TIAM1: variants seen among roughly 807,000 people sequenced by gnomAD.
TIAM1 encodes TIAM Rac1 associated GEF 1.
TIAM1 carries 65 observed loss-of-function variants against 163.5 expected under a neutral mutation model. That is an observed-to-expected ratio of 0.40 (90% CI 0.33 to 0.49). TIAM1 has a LOEUF of 0.49. Among genes scored for constraint, TIAM1 ranks in the 20% least tolerant of loss-of-function variants. The pLI, the probability that TIAM1 is intolerant of heterozygous loss-of-function variation, is 0.77. For synonymous variants in TIAM1, 833 were observed against 810.1 expected (o/e 1.03, Z -0.48); for missense variants, 1,789 against 2,044.7 (o/e 0.87, Z 2.41).
At position 31,266,368 on chromosome 21, in the gene TIAM1, G is replaced by A. The variant is rs1407658678; in HGVS notation, c.605C>T (p.Ser202Phe). The A allele has an allele frequency of 6.2e-7, 1 of 1,614,214 alleles. No individual in the cohort carries two copies. The highest frequency in any genetic ancestry group is 2.2e-5 in the East Asian group (1 of 44,886). Residue 202 changes from serine (S) to phenylalanine (F), a missense_variant, in exon 4 of 28, where the codon TCC becomes TTC. Physicochemically the swap from Ser to Phe is radical, Grantham distance 155. Around this residue, in one of 5 missense-constraint regions of TIAM1, gnomAD observed 555 missense variants for 564.9 expected, o/e 0.98. Coordinates refer to ENST00000541036, the MANE Select transcript of TIAM1 (RefSeq NM_001353694.2). ...HLTSNEEILG[S>F]AEEKDCEEAR... ...CTCCTCGCAGTCCTTCTCTTCGGCG[G>A]AACCCAAGATTTCTTCGTTGCTTGT...
intron 11 of TIAM1, among the ~76,000 whole-genome samples, chr21:31,207,134 T>C (rs999007133): frequency 1.3e-5 from 2 of 152,248 alleles, no homozygotes; most frequent in Non-Finnish European, 2.9e-5. Flanking sequence ...AATGAAAATA[T>C]GTTGCAATTA....
intron 2 of TIAM1, among the ~76,000 whole-genome samples, chr21:31,356,632 G>A (rs2076321255): frequency 2.0e-5 from 3 of 152,220 alleles, no homozygotes; most frequent in Admixed American, 2.0e-4. Context: ...TCCAGAGGAA[G>A]CAGCCCCTCA....
chr21:31,505,794 C>CG (rs1468314565), intron 1 of TIAM1, among the ~76,000 whole-genome samples: 4 of 151,950 alleles, frequency 2.6e-5, no homozygotes, highest in African/African-American at 9.7e-5. Flanking sequence ...CACCTGAGGT[C>CG]GGGAGTTCGA....
At chr21:31,187,232 G>C in intron 13 of TIAM1, 145 bp from the exon 14 acceptor site, 1 of 713,034 alleles carries the variant, frequency 1.4e-6, no homozygotes, top group Non-Finnish European at 2.3e-6. Flanking sequence ...TTACATAGCA[G>C]AAAAGTGTAT....
At chr21:31,274,376 G>A (rs1163689155) in intron 3 of TIAM1, among the ~76,000 whole-genome samples, 1 of 152,058 alleles carries the variant, frequency 6.6e-6, no homozygotes, top group Non-Finnish European at 1.5e-5. Context: ...CAAAGTCCTG[G>A]GCATAAAGAA....
At chr21:31,219,495 C>T (rs892319694) in intron 8 of TIAM1, among the ~76,000 whole-genome samples, 1 of 152,194 alleles carries the variant, frequency 6.6e-6, no homozygotes, top group African/African-American at 2.4e-5. Flanking sequence ...ACATGAGGGG[C>T]CTCCCCAGCA....
In TIAM1 at chr21:31,182,667, T is replaced by A. The variant is rs552578054; in HGVS notation, c.2663-22A>T. On this transcript the variant is annotated intron_variant, in intron 14 of 27. Coordinates refer to ENST00000541036, the MANE Select transcript of TIAM1 (RefSeq NM_001353694.2). ...AGGCCTGCCAACGCAAGATGGAAAA[T>A]TTTTAATTTCACACACATTATCAGA... 5 of 1,601,120 alleles carry A rather than the reference T, an allele frequency of 3.1e-6. No homozygotes were observed. In the South Asian group the frequency reaches 3.4e-5, roughly 11 times the overall value.
intron 2 of TIAM1, among the ~76,000 whole-genome samples, chr21:31,434,277 T>C (rs1403195196): frequency 6.6e-6 from 1 of 152,154 alleles, no homozygotes; most frequent in East Asian, 1.9e-4. Flanking sequence ...TTTCAGACAC[T>C]GAACAACAGG....
At chr21:31,496,013 T>C (rs2046628452) in intron 1 of TIAM1, among the ~76,000 whole-genome samples, 1 of 151,318 alleles carries the variant, frequency 6.6e-6, no homozygotes, top group Non-Finnish European at 1.5e-5. Context: ...CCCTGAAGAG[T>C]TTCCCAAAAG....
At chr21:31,217,528 A>G (rs771189995) in intron 9 of TIAM1, 25 bp downstream of exon 9, 2 of 1,609,074 alleles carry the variant, frequency 1.2e-6, no homozygotes, top group Non-Finnish European at 1.7e-6. Flanking sequence ...GTGCGGGCTC[A>G]CTTTTCATCT....
At chr21:31,372,834 T>A (rs1204812064) in intron 2 of TIAM1, among the ~76,000 whole-genome samples, 1 of 151,622 alleles carries the variant, frequency 6.6e-6, no homozygotes, top group Non-Finnish European at 1.5e-5. Flanking sequence ...GGCAGGCAGA[T>A]TTCCTGAGGT....
intron 1 of TIAM1, among the ~76,000 whole-genome samples, chr21:31,541,240 T>C (rs2048315611): frequency 6.6e-6 from 1 of 152,122 alleles, no homozygotes; most frequent in Non-Finnish European, 1.5e-5. Context: ...GCAGATCACT[T>C]GAGGCTAGGA....
At chr21:31,306,993 A>G (rs1232974859) in intron 2 of TIAM1, among the ~76,000 whole-genome samples, 1 of 152,172 alleles carries the variant, frequency 6.6e-6, no homozygotes, top group Non-Finnish European at 1.5e-5. Flanking sequence ...TAGAGAAAAT[A>G]AAATTCTTCA....
chr21:31,368,685 G>GT (rs1423711453), intron 2 of TIAM1, among the ~76,000 whole-genome samples: 1 of 152,152 alleles, frequency 6.6e-6, no homozygotes, highest in Admixed American at 6.5e-5. Context: ...ACTTATATTT[G>GT]TAAGAAGAAA....
In TIAM1 at chr21:31,517,398, C is replaced by T. The variant is rs576089146; in HGVS notation, c.-422+41529G>A. ...TAAATAAATTGTTAAAACTTTAAAA[C>T]GGTCCTATAATATAAAAATATTAAT... On this transcript the variant is annotated intron_variant, in intron 1 of 28. Transcript: ENST00000286827. 9.2e-5 allele frequency among the ~76,000 whole-genome samples: 14 copies of T among 152,032 alleles called. No individual in the cohort carries two copies. In the South Asian group the frequency reaches 1.5e-3, roughly 16 times the overall value.
At chr21:31,550,650 C>T (rs58171285) in intron 1 of TIAM1, among the ~76,000 whole-genome samples, 49,049 of 151,924 alleles carry the variant, frequency 0.32, 8,285 homozygotes, top group Middle Eastern at 0.46. Flanking sequence ...ATAATACTGT[C>T]ATAAAAATAA....
chr21:31,223,393 A>G lies in TIAM1; in HGVS notation c.1995+13T>C. ...GCTTAATGTTTTTCAAAAATTCATT[A>G]GCTTCTACTCACCAGGGCATGAAAC... On this transcript the variant is annotated intron_variant, in intron 8 of 27. Transcript: ENST00000541036. 1.3e-6 allele frequency: 2 copies of G among 1,592,062 alleles called. No homozygotes were observed. The highest frequency in any genetic ancestry group is 1.7e-6 in the Non-Finnish European group (2 of 1,168,382).
At chr21:31,529,166 A>G (rs780171008) in intron 1 of TIAM1, among the ~76,000 whole-genome samples, 17 of 151,730 alleles carry the variant, frequency 1.1e-4, no homozygotes, top group African/African-American at 4.1e-4. Flanking sequence ...TGATCTGCCC[A>G]CCTCGGCCTC....
At chr21:31,318,791 G>A (rs558280823) in intron 2 of TIAM1, among the ~76,000 whole-genome samples, 1 of 152,230 alleles carries the variant, frequency 6.6e-6, no homozygotes, top group Admixed American at 6.5e-5. Context: ...ATCTGATTCA[G>A]CCTGGTTTCT....
Sources: gnomAD v4.1 joint callset for allele counts (sites outside exome capture counted in the v4.1 genomes callset) on GRCh38, gnomAD v4.1.1 for gene constraint, gnomAD v4.1.1 regional missense constraint, MANE v1.5 for transcripts, NCBI Gene and HGNC (gene_info 2026-07-23, HGNC 2026-07-21) for gene names.